TSPAN10: variants seen among roughly 807,000 people sequenced by gnomAD.
The protein encoded by TSPAN10 is tetraspanin-10.
A neutral mutation model predicts 15.0 loss-of-function variants in TSPAN10; 11 were observed. The observed-to-expected ratio is 0.73, with a 90% CI of 0.46 to 1.21. The LOEUF (loss-of-function observed/expected upper bound fraction) is 1.21, where lower values mean the gene tolerates loss of function less well. Ranked by LOEUF, TSPAN10 falls within the 50% of genes most tolerant of loss-of-function variation. The pLI is 0.00. For synonymous variants in TSPAN10, 241 were observed against 226.2 expected (o/e 1.07, Z -0.59); for missense variants, 486 against 470.6 (o/e 1.03, Z -0.30).
At chr17:81,639,113 G>T (rs1273181714), upstream of TSPAN10, 5 of 151,542 alleles carry the variant, frequency 3.3e-5, no homozygotes, top group East Asian at 9.7e-4. Context: ...AGTTAAGTCC[G>T]ATCTCTTTAA....
At chr17:81,647,344 A>G (rs1321780685) in intron 2 of TSPAN10, 11 of 448,598 alleles carry the variant, frequency 2.5e-5, no homozygotes. Context: ...AGCCCCAGAC[A>G]TCAGTGGATG....
In TSPAN10 at chr17:81,642,458, G is replaced by A; in HGVS notation, c.36+10G>A. 1.9e-6 allele frequency: 3 copies of A among 1,605,068 alleles called. No homozygotes were observed. The highest frequency in any genetic ancestry group is 2.6e-6 in the Non-Finnish European group (3 of 1,174,758). On this transcript the variant is annotated intron_variant, in intron 1 of 2. Transcript: ENST00000611590. ...CCCCTTACTGTCCCAGGTGAGCCAT[G>A]CCAAGTGGCCTTGCCCTGAGGTTGG...
upstream of TSPAN10, among the ~76,000 whole-genome samples, chr17:81,640,522 C>A (rs545013565): frequency 1.2e-4 from 19 of 152,240 alleles, no homozygotes; most frequent in Admixed American, 3.9e-4. Context: ...CATCTCGGCT[C>A]ACTGCAACCT....
At chr17:81,640,020 T>C (rs1221417283), upstream of TSPAN10, among the ~76,000 whole-genome samples, 1 of 151,000 alleles carries the variant, frequency 6.6e-6, no homozygotes, top group Non-Finnish European at 1.5e-5. Flanking sequence ...CTCACTCCCA[T>C]CGCCGAGGCT....
chr17:81,639,391 A>G (rs1295880166), upstream of TSPAN10, among the ~76,000 whole-genome samples: 1 of 151,490 alleles, frequency 6.6e-6, no homozygotes, highest in Non-Finnish European at 1.5e-5. Context: ...TATCTTTAGT[A>G]GAGACAGGGT....
At chr17:81,637,653 G>A, upstream of TSPAN10, 1 of 424,320 alleles carries the variant, frequency 2.4e-6, no homozygotes, top group African/African-American at 2.1e-5. Context: ...ACAAAATTAG[G>A]CCATACGCGG....
intron 2 of TSPAN10, 193 bp downstream of exon 3, chr17:81,645,822 C>G: frequency 1.4e-6 from 1 of 698,132 alleles, no homozygotes; most frequent in Non-Finnish European, 2.5e-6. Context: ...CGTGTGTGGA[C>G]ACACACCTAC....
At chr17:81,642,440 C>G (rs1473844155) in exon 1 of TSPAN10, 1 of 1,610,524 alleles carries the variant, frequency 6.2e-7, no homozygotes, top group East Asian at 2.2e-5. Flanking sequence ...GAGCCCCTTA[C>G]TGTCCCAGGT....
chr17:81,643,610 C>CAA lies in TSPAN10; in HGVS notation c.36+1185_36+1186dup, dbSNP rs777668849. On this transcript the variant is annotated intron_variant, in intron 1 of 2. Coordinates refer to ENST00000611590, the Ensembl canonical transcript of TSPAN10. Reference sequence around the variant, plus strand: ...TGGGCGACAGAGCGAGACTCCGTCTCAAAAAAAAAAAAAAAAAAAAAAAAT... The same window carrying CAA: ...TGGGCGACAGAGCGAGACTCCGTCTCAAAAAAAAAAAAAAAAAAAAAAAAAAT... 4.9e-3 allele frequency among the ~76,000 whole-genome samples: 73 copies of CAA among 14,976 alleles called. 4 individuals are homozygous for CAA. Among genetic ancestry groups the CAA allele is most frequent in the African/African-American group, 0.015 (27 of 1,760 alleles). The allele number at this position is 14,976 out of a possible 152,430, so 9.8% of individuals were successfully genotyped here.
chr17:81,639,440 T>C (rs542993440), upstream of TSPAN10, among the ~76,000 whole-genome samples: 5 of 151,692 alleles, frequency 3.3e-5, no homozygotes, highest in South Asian at 8.3e-4. Context: ...TCTCCTGACC[T>C]CGTGATCCAC....
At chr17:81,642,421 G>A (rs74637553) in exon 1 of TSPAN10, 7 of 1,613,188 alleles carry the variant, frequency 4.3e-6, no homozygotes, top group Non-Finnish European at 5.9e-6. Flanking sequence ...GGATGGAGGA[G>A]GGGGAGAGGA....
At chr17:81,637,304 G>A in exon 1 of TSPAN10, 2 of 653,264 alleles carry the variant, frequency 3.1e-6, no homozygotes, top group Non-Finnish European at 5.6e-6. Flanking sequence ...CAAAAAGGAA[G>A]CAAAGACGAG....
intron 2 of TSPAN10, chr17:81,646,130 ACCTGTAAT>A (rs1209392223): frequency 4.7e-6 from 1 of 212,208 alleles, no homozygotes; most frequent in Non-Finnish European, 9.3e-6. Flanking sequence ...GATGGCTCAC[ACCTGTAAT>A]CCCAGCACTT....
exon 1 of TSPAN10, chr17:81,642,414 T>C (rs2036187142): frequency 3.7e-6 from 6 of 1,613,202 alleles, no homozygotes; most frequent in Non-Finnish European, 5.1e-6. Flanking sequence ...GCGTCAAGGA[T>C]GGAGGAGGGG....
intron 2 of TSPAN10, chr17:81,647,323 C>T: frequency 2.3e-6 from 1 of 430,478 alleles, no homozygotes; most frequent in East Asian, 7.0e-5. Flanking sequence ...GTCTGCTGGG[C>T]CCGTGTGCAG....
At chr17:81,648,213 C>T (rs1598713288) in exon 3 of TSPAN10, 1 of 1,310,046 alleles carries the variant, frequency 7.6e-7, no homozygotes, top group Non-Finnish European at 9.6e-7. Context: ...CGTACGGCCC[C>T]GGAGCGCGCG....
chr17:81,637,382 A>G (rs570140316), exon 1 of TSPAN10: 1 of 700,772 alleles, frequency 1.4e-6, no homozygotes, highest in African/African-American at 1.7e-5. Context: ...GGGAAACAGC[A>G]TTCCAAACTT....
intron 2 of TSPAN10, among the ~76,000 whole-genome samples, chr17:81,647,058 A>G (rs9905410): frequency 0.5 from 75,825 of 151,926 alleles, 20,790 homozygotes; most frequent in East Asian, 0.99. Flanking sequence ...TGTATCCAGG[A>G]GCAGCTGAAC....
intron 2 of TSPAN10, 76 bp from the exon 4 acceptor site, chr17:81,647,825 C>T: frequency 1.3e-6 from 2 of 1,503,882 alleles, no homozygotes; most frequent in Non-Finnish European, 8.9e-7. Flanking sequence ...GGTGGGTAGG[C>T]GACATTCGCC....
Sources: allele counts gnomAD v4.1 joint callset (sites outside exome capture counted in the v4.1 genomes callset), GRCh38; gene constraint gnomAD v4.1.1; transcripts MANE v1.5; gene names NCBI Gene and HGNC (gene_info 2026-07-23, HGNC 2026-07-21).